The following ZHX3 variants were observed in gnomAD, a reference collection of about 807,000 sequenced individuals.
The protein encoded by ZHX3 is zinc fingers and homeoboxes protein 3.
ZHX3 carries 20 observed loss-of-function variants against 64.5 expected under a neutral mutation model. The ratio of observed to expected loss-of-function variants is 0.31; its 90% CI spans 0.22 to 0.45. The LOEUF (loss-of-function observed/expected upper bound fraction) is 0.45, where lower values mean the gene tolerates loss of function less well. ZHX3 is among the 20% of genes least tolerant of loss of function. The pLI is 1.00. For missense variants in ZHX3, 1,041 were observed against 1,195.8 expected (o/e 0.87, Z 1.91); for synonymous variants, 423 against 461.6 (o/e 0.92, Z 1.07).
intron 1 of ZHX3, among the ~76,000 whole-genome samples, chr20:41,277,625 T>C (rs1192780510): frequency 6.6e-6 from 1 of 151,718 alleles, no homozygotes; most frequent in African/African-American, 2.4e-5. Context: ...AGAGTCTCGC[T>C]CTGTCGCCCA....
chr20:41,197,465 C>T (rs2146199555), intron 3 of ZHX3, among the ~76,000 whole-genome samples: 1 of 148,950 alleles, frequency 6.7e-6, no homozygotes, highest in East Asian at 2.0e-4. Flanking sequence ...ATTATTTTGT[C>T]TGGTGATAAT....
At chr20:41,286,661 T>TC (rs2043952045) in intron 1 of ZHX3, among the ~76,000 whole-genome samples, 1 of 152,196 alleles carries the variant, frequency 6.6e-6, no homozygotes, top group Admixed American at 6.5e-5. Flanking sequence ...TGATCTATCT[T>TC]CCCCACTCCC....
At chr20:41,233,714 G>A (rs574919525) in intron 2 of ZHX3, among the ~76,000 whole-genome samples, 15 of 152,250 alleles carry the variant, frequency 9.9e-5, no homozygotes, top group East Asian at 1.9e-4. Flanking sequence ...TGGAGAGACC[G>A]GACAAGAACT....
chr20:41,299,566 A>C (rs997467831), intron 1 of ZHX3, among the ~76,000 whole-genome samples: 8 of 152,204 alleles, frequency 5.3e-5, no homozygotes, highest in Non-Finnish European at 1.0e-4. Flanking sequence ...AAGACATATG[A>C]AAGACAAGCA....
At chr20:41,233,295 G>GTGTA (rs1218688561) in intron 2 of ZHX3, among the ~76,000 whole-genome samples, 2 of 152,202 alleles carry the variant, frequency 1.3e-5, no homozygotes, top group Non-Finnish European at 1.5e-5. Flanking sequence ...CTATGTTGTG[G>GTGTA]TGTATACACC....
intron 2 of ZHX3, among the ~76,000 whole-genome samples, chr20:41,265,101 A>C (rs2042770650): frequency 6.6e-6 from 1 of 152,220 alleles, no homozygotes; most frequent in South Asian, 2.1e-4. Context: ...AAGGAGAGAC[A>C]CAAATACAAT....
chr20:41,309,810 A>G (rs2045077713), intron 1 of ZHX3, among the ~76,000 whole-genome samples: 1 of 152,200 alleles, frequency 6.6e-6, no homozygotes, highest in South Asian at 2.1e-4. Flanking sequence ...GACCACACAG[A>G]TGGCTGAAAC....
chr20:41,290,267 T>C (rs1379472646), intron 1 of ZHX3: 1 of 152,256 alleles, frequency 6.6e-6, no homozygotes, highest in African/African-American at 2.4e-5. Flanking sequence ...ACAGAATAGA[T>C]TTTATTTCTC....
At chr20:41,246,882 AACC>A (rs58077157) in intron 2 of ZHX3, among the ~76,000 whole-genome samples, 16,163 of 112,244 alleles carry the variant, frequency 0.14, 1,118 homozygotes, top group East Asian at 0.32. Flanking sequence ...GAAAAAAAAA[AACC>A]AAACAAACAA....
At position 41,211,317 on chromosome 20, in the gene ZHX3, T is replaced by C. The variant is rs567849147; in HGVS notation, c.-150-6251A>G. Reference sequence around the variant, plus strand: ...TCAGTATTTGGATTTGATACAAAGATGTAAAGAAAATTAAAATATCTCTAT... The same window carrying C: ...TCAGTATTTGGATTTGATACAAAGACGTAAAGAAAATTAAAATATCTCTAT... On this transcript the variant is annotated intron_variant, in intron 2 of 3. Transcript: ENST00000683867. 3.3e-5 allele frequency among the ~76,000 whole-genome samples: 5 copies of C among 152,144 alleles called. No individual in the cohort carries two copies. The East Asian group carries it at 9.6e-4, about 29-fold the overall frequency.
At chr20:41,290,176 T>C (rs978361371) in intron 1 of ZHX3, 7 of 152,244 alleles carry the variant, frequency 4.6e-5, no homozygotes, top group Admixed American at 2.0e-4. Context: ...GTTTGTGTTA[T>C]TGAATGCTGA....
intron 2 of ZHX3, among the ~76,000 whole-genome samples, chr20:41,259,412 A>G (rs2042441521): frequency 6.6e-6 from 1 of 152,254 alleles, no homozygotes; most frequent in Non-Finnish European, 1.5e-5. Flanking sequence ...ATACTTGCAC[A>G]TACAAACATG....
At chr20:41,267,224 A>T (rs2042906302) in intron 2 of ZHX3, among the ~76,000 whole-genome samples, 1 of 152,102 alleles carries the variant, frequency 6.6e-6, no homozygotes, top group African/African-American at 2.4e-5. Flanking sequence ...TTTAGTGTAA[A>T]TATCTAATCT....
At chr20:41,273,165 G>A (rs1434087648) in intron 1 of ZHX3, among the ~76,000 whole-genome samples, 1 of 151,966 alleles carries the variant, frequency 6.6e-6, no homozygotes, top group East Asian at 1.9e-4. Context: ...ATGTTTCTTG[G>A]CCATTTGCAT....
intron 2 of ZHX3, among the ~76,000 whole-genome samples, chr20:41,209,563 T>G (rs1264292486): frequency 6.6e-6 from 1 of 152,206 alleles, no homozygotes; most frequent in Non-Finnish European, 1.5e-5. Flanking sequence ...CATGTGATCT[T>G]TGACAAACTT....
intron 3 of ZHX3, among the ~76,000 whole-genome samples, chr20:41,190,047 C>T (rs2036874745): frequency 6.6e-6 from 1 of 151,886 alleles, no homozygotes; most frequent in Admixed American, 6.6e-5. Flanking sequence ...TTATCAAATG[C>T]TTTTTCTGTT....
In ZHX3 at chr20:41,258,000, A is replaced by G. The variant is rs996905224; in HGVS notation, c.-151+10990T>C. On this transcript the variant is annotated intron_variant, in intron 2 of 3. Transcript: ENST00000683867. ...CTGCAACCTCCACCTCCCAGGTTCA[A>G]GTGATTCTCCTGTCTCAGCCACCTG... Among the ~76,000 whole-genome samples, 5 of 149,092 alleles carry G rather than the reference A, an allele frequency of 3.4e-5. No individual in the cohort carries two copies. The South Asian group carries it at 6.3e-4, about 19-fold the overall frequency.
At position 41,237,640 on chromosome 20, in the gene ZHX3, C is replaced by A. The variant is rs1029574107; in HGVS notation, c.-151+31350G>T. Reference sequence around the variant, plus strand: ...GGGTAGGAGGAGTGGGGAGGGATAGCATTAGGAGATATACTTAATGTTAAA... The same window carrying A: ...GGGTAGGAGGAGTGGGGAGGGATAGAATTAGGAGATATACTTAATGTTAAA... On this transcript the variant is annotated intron_variant, in intron 2 of 3. Coordinates refer to ENST00000683867, the MANE Select transcript of ZHX3 (RefSeq NM_001384317.1). Among the ~76,000 whole-genome samples, 30 of 152,130 alleles carry A rather than the reference C, an allele frequency of 2.0e-4. 1 individual carries two copies. Among genetic ancestry groups the A allele is most frequent in the African/African-American group, 6.3e-4 (26 of 41,416 alleles).
intron 2 of ZHX3, among the ~76,000 whole-genome samples, chr20:41,214,961 G>C (rs1317611920): frequency 6.6e-6 from 1 of 152,138 alleles, no homozygotes; most frequent in African/African-American, 2.4e-5. Context: ...CTTGTAAATG[G>C]ATCTTTAAAT....
Sources: allele counts gnomAD v4.1 joint callset (sites outside exome capture counted in the v4.1 genomes callset), GRCh38; gene constraint gnomAD v4.1.1; transcripts MANE v1.5; gene names NCBI Gene and HGNC (gene_info 2026-07-23, HGNC 2026-07-21).